The following GPC6 variants were observed in gnomAD, a reference collection of about 807,000 sequenced individuals.
The protein encoded by GPC6 is glypican-6.
A neutral mutation model predicts 55.2 loss-of-function variants in GPC6; 14 were observed. That is an observed-to-expected ratio of 0.25 (90% CI 0.17 to 0.40). The LOEUF (loss-of-function observed/expected upper bound fraction) is 0.40. Ranked by LOEUF, GPC6 falls within the 10% of genes least tolerant of loss-of-function variation. The probability of loss-of-function intolerance (pLI) is 1.00; values close to 1 mark genes in which losing one functional copy is unlikely to be tolerated. For missense variants in GPC6, 641 were observed against 708.5 expected (o/e 0.90, Z 1.08); for synonymous variants, 278 against 259.6 (o/e 1.07, Z -0.68).
chr13:93,815,727 A>C (rs573846635), intron 2 of GPC6, among the ~76,000 whole-genome samples: 37 of 152,318 alleles, frequency 2.4e-4, no homozygotes, highest in Non-Finnish European at 4.6e-4. Context: ...GTTCTTACAC[A>C]ATAATACTTT....
chr13:93,501,231 T>C (rs1211016073), intron 1 of GPC6, among the ~76,000 whole-genome samples: 1 of 152,172 alleles, frequency 6.6e-6, no homozygotes, highest in Non-Finnish European at 1.5e-5. Context: ...TTTTCTAAAA[T>C]GCTTAAATCT....
intron 4 of GPC6, among the ~76,000 whole-genome samples, chr13:94,191,686 T>C (rs1180398584): frequency 6.6e-6 from 1 of 152,022 alleles, no homozygotes; most frequent in Admixed American, 6.6e-5. Flanking sequence ...TCCATTTATA[T>C]AAATCCAATC....
intron 4 of GPC6, among the ~76,000 whole-genome samples, chr13:94,068,462 G>A (rs1594710302): frequency 6.6e-6 from 1 of 152,156 alleles, no homozygotes; most frequent in East Asian, 1.9e-4. Flanking sequence ...CAACTCTTAT[G>A]TCCTCACATT....
intron 1 of GPC6, among the ~76,000 whole-genome samples, chr13:93,538,535 C>G (rs1882154647): frequency 1.3e-5 from 2 of 152,168 alleles, no homozygotes; most frequent in South Asian, 4.1e-4. Flanking sequence ...ATGAATAAAA[C>G]TGGGCCAGGA....
chr13:94,150,388 C>T (rs1336343295), intron 4 of GPC6, among the ~76,000 whole-genome samples: 1 of 152,100 alleles, frequency 6.6e-6, no homozygotes, highest in Non-Finnish European at 1.5e-5. Flanking sequence ...ATCTGACCAT[C>T]TTTCTCTTTA....
intron 3 of GPC6, among the ~76,000 whole-genome samples, chr13:93,996,472 T>G (rs777669911): frequency 1.3e-5 from 2 of 152,156 alleles, no homozygotes; most frequent in African/African-American, 2.4e-5. Flanking sequence ...TACAGTGACA[T>G]TCTAACATTG....
At chr13:93,216,792 T>A in the GPC6 span, among the ~76,000 whole-genome samples, 1 of 152,178 alleles carries the variant, frequency 6.6e-6, no homozygotes, top group Non-Finnish European at 1.5e-5. Context: ...TAAATCTACC[T>A]GGAATTGGCA....
chr13:94,153,451 A>T (rs1887816411), intron 4 of GPC6, among the ~76,000 whole-genome samples: 1 of 152,176 alleles, frequency 6.6e-6, no homozygotes, highest in African/African-American at 2.4e-5. Context: ...GCAAGTCTTT[A>T]TGAAGCACAT....
chr13:93,868,410 TGATA>T (rs1889035239), intron 3 of GPC6, among the ~76,000 whole-genome samples: 1 of 151,838 alleles, frequency 6.6e-6, no homozygotes, highest in Non-Finnish European at 1.5e-5. Flanking sequence ...ATGATTGTAA[TGATA>T]GATACAGAAT....
Position 93,940,253 on chromosome 13 carries a change from A to G in GPC6, c.712-87476A>G, listed in dbSNP as rs1018289230. 1.7e-4 allele frequency among the ~76,000 whole-genome samples: 26 copies of G among 152,106 alleles called. 1 individual carries two copies. Among genetic ancestry groups the G allele is most frequent in the Admixed American group, 1.7e-3 (26 of 15,260 alleles). The stretch of plus-strand genomic sequence containing the variant: ...TAGAAGCCATTACTTTTTTATAACT[A>G]TGAAAATTAGGGCTATTAAGTTGCC... On this transcript the variant is annotated intron_variant, in intron 3 of 8. Coordinates refer to ENST00000377047, the MANE Select transcript of GPC6 (RefSeq NM_005708.5).
chr13:94,194,763 T>A (rs1889511771), intron 4 of GPC6, among the ~76,000 whole-genome samples: 1 of 152,104 alleles, frequency 6.6e-6, no homozygotes, highest in African/African-American at 2.4e-5. Flanking sequence ...ATAAAAATTT[T>A]AAAGATGAAA....
intron 4 of GPC6, among the ~76,000 whole-genome samples, chr13:94,083,312 G>T (rs1389615479): frequency 1.3e-5 from 2 of 152,038 alleles, no homozygotes; most frequent in East Asian, 3.9e-4. Flanking sequence ...TAGAGATGGG[G>T]TTTCACCGTG....
intron 2 of GPC6, among the ~76,000 whole-genome samples, chr13:93,730,994 A>T (rs9301903): frequency 6.6e-6 from 1 of 152,100 alleles, no homozygotes; most frequent in African/African-American, 2.4e-5. Flanking sequence ...CTCTTGAAAG[A>T]TCAGGACAAA....
At chr13:93,454,102 A>G (rs1878338746) in intron 1 of GPC6, among the ~76,000 whole-genome samples, 1 of 152,148 alleles carries the variant, frequency 6.6e-6, no homozygotes, top group African/African-American at 2.4e-5. Flanking sequence ...AGGCCCCACC[A>G]GAGTAGCTAG....
At chr13:93,878,049 AT>A (rs899644983) in intron 3 of GPC6, among the ~76,000 whole-genome samples, 4 of 152,072 alleles carry the variant, frequency 2.6e-5, no homozygotes, top group African/African-American at 9.7e-5. Flanking sequence ...TCAGGACACT[AT>A]TGATGCTGAA....
chr13:94,288,591 TC>T (rs1874672401), intron 5 of GPC6, among the ~76,000 whole-genome samples: 1 of 150,728 alleles, frequency 6.6e-6, no homozygotes, highest in Non-Finnish European at 1.5e-5. Flanking sequence ...GGTCTCTCTC[TC>T]TCTCAGCTCC....
intron 2 of GPC6, among the ~76,000 whole-genome samples, chr13:93,807,980 T>C (rs1477213764): frequency 1.3e-5 from 2 of 152,172 alleles, no homozygotes; most frequent in African/African-American, 4.8e-5. Context: ...AAATTATGAG[T>C]CTGACTTAAT....
chr13:94,307,604 T>C (rs1409172), intron 6 of GPC6, among the ~76,000 whole-genome samples: 117,106 of 152,216 alleles, frequency 0.77, 46,238 homozygotes, highest in East Asian at 1. Flanking sequence ...TGAGCCAACG[T>C]GCTCAGCGGC....
At chr13:93,366,365 A>C (rs905062172) in intron 1 of GPC6, among the ~76,000 whole-genome samples, 8 of 152,080 alleles carry the variant, frequency 5.3e-5, no homozygotes, top group African/African-American at 1.7e-4. Flanking sequence ...TGTCATCAAC[A>C]ATGACATTTC....
Sources: allele counts gnomAD v4.1 joint callset (sites outside exome capture counted in the v4.1 genomes callset), GRCh38; gene constraint gnomAD v4.1.1; transcripts MANE v1.5; gene names NCBI Gene and HGNC (gene_info 2026-07-23, HGNC 2026-07-21).